ANKS3: variants seen among roughly 807,000 people sequenced by gnomAD.
The protein encoded by ANKS3 is ankyrin repeat and sterile alpha motif domain containing 3, also known as ankyrin repeat and SAM domain-containing protein 3.
A neutral mutation model predicts 80.7 loss-of-function variants in ANKS3; 62 were observed. The observed-to-expected ratio is 0.77, with a 90% CI of 0.63 to 0.95. The LOEUF (loss-of-function observed/expected upper bound fraction) is 0.95, where lower values mean the gene tolerates loss of function less well. Ranked by LOEUF, ANKS3 falls within the 40% of genes least tolerant of loss-of-function variation. The pLI, the probability that ANKS3 is intolerant of heterozygous loss-of-function variation, is 0.00. For synonymous variants in ANKS3, 489 were observed against 355.3 expected, an observed-to-expected ratio of 1.38 and a Z score of -4.23; for missense variants, 1,150 against 883.6, an observed-to-expected ratio of 1.30 and a Z score of -3.82.
intron 6 of ANKS3, 181 bp from the exon 7 acceptor site, chr16:4,714,367 C>G (rs1419693952): frequency 5.7e-6 from 5 of 870,058 alleles, no homozygotes; most frequent in Middle Eastern, 3.4e-4. Flanking sequence ...AAGTTTTGCT[C>G]TCACTCTCTT....
chr16:4,721,633 T>TATTG lies in ANKS3; in HGVS notation c.573+3116_573+3117insCAAT, dbSNP rs1555474796. Among the ~76,000 whole-genome samples the TATTG allele has an allele frequency of 1.1e-3, 65 of 58,744 alleles. No individual in the cohort carries two copies. In the East Asian group the frequency reaches 0.042, roughly 38 times the overall value. The allele number at this position is 58,744 out of a possible 152,430, so 38.5% of individuals were successfully genotyped here. ...CTCTTTATTGATTTATTGATTTATTTATTTATTTATTTATTTATTTATTTA... is the reference window on the plus strand; with the variant it reads ...CTCTTTATTGATTTATTGATTTATTTATTGATTTATTTATTTATTTATTTATTTA... On this transcript the variant is annotated intron_variant, in intron 6 of 17. Coordinates refer to ENST00000304283, the MANE Select transcript of ANKS3 (RefSeq NM_133450.4).
rs767905967 is a variant in ANKS3, at chr16:4,701,163, G to A, written c.1120-29C>T. The A allele has an allele frequency of 2.5e-6, 4 of 1,612,946 alleles. No homozygotes were observed. The African/African-American group carries it at 5.3e-5, about 22-fold the overall frequency. ...CAGTGAGAGGCGTGCATCTGAAAGA[G>A]TGCGCGGGCTAACTTGAGAGCCTTG... On this transcript the variant is annotated intron_variant, in intron 10 of 17. Coordinates refer to ENST00000304283, the MANE Select transcript of ANKS3 (RefSeq NM_133450.4).
chr16:4,710,891 C>T (rs1011129968), intron 7 of ANKS3, among the ~76,000 whole-genome samples: 2 of 152,126 alleles, frequency 1.3e-5, no homozygotes, highest in African/African-American at 4.8e-5. Context: ...CTCCCCCTCC[C>T]GGGTTCAAGT....
Position 4,699,176 on chromosome 16 carries a change from C to G in ANKS3, c.1285G>C (p.Asp429His). The G allele has an allele frequency of 6.2e-7, 1 of 1,613,954 alleles. No homozygotes were observed. The highest frequency in any genetic ancestry group is 8.5e-7 in the Non-Finnish European group (1 of 1,179,990). ...ATCTGCTCCAGCAGTGCGGCAAGGT[C>G]CTGGCAGGCACAGGGGACAGGTTGG... ...TQRAPYSGPQ[D>H]LAALLEQIGC... The change falls in exon 12 of 18, where the codon GAC becomes CAC. Residue 429 changes from aspartate to histidine, a missense_variant and splice_region_variant. Transcript: ENST00000304283.
chr16:4,722,990 G>A (rs1198165913), intron 6 of ANKS3, among the ~76,000 whole-genome samples: 1 of 151,598 alleles, frequency 6.6e-6, no homozygotes, highest in Admixed American at 6.6e-5. Context: ...AAAATGAGAC[G>A]CTACAATTCA....
chr16:4,705,295 G>T, intron 7 of ANKS3, 42 bp from the exon 8 acceptor site: 1 of 1,597,094 alleles, frequency 6.3e-7, no homozygotes, highest in Non-Finnish European at 8.5e-7. Flanking sequence ...GTTCAGTAAT[G>T]GACTCATTTA....
At position 4,734,057 on chromosome 16, in the gene ANKS3, T is replaced by C; in HGVS notation, c.-190A>G. Reference sequence around the variant, plus strand: ...AAAATGTGGGGGCTCGGTCCTCCAGTCACGCGGCGAGCAAGTGCAGCGCGG... The same window carrying C: ...AAAATGTGGGGGCTCGGTCCTCCAGCCACGCGGCGAGCAAGTGCAGCGCGG... On this transcript the variant is annotated 5_prime_UTR_variant, in exon 1 of 18. Transcript: ENST00000304283. 1 of 980,628 alleles carries C rather than the reference T, an allele frequency of 1.0e-6. No individual in the cohort carries two copies. The highest frequency in any genetic ancestry group is 1.2e-6 in the Non-Finnish European group (1 of 825,500). The allele number at this position is 980,628 out of a possible 1,614,324, so 60.7% of individuals were successfully genotyped here.
In ANKS3 at chr16:4,721,419, G is replaced by C. The variant is rs924496243; in HGVS notation, c.573+3331C>G. Among the ~76,000 whole-genome samples, 5 of 150,892 alleles carry C rather than the reference G, an allele frequency of 3.3e-5. No individual in the cohort carries two copies. In the South Asian group the frequency reaches 1.0e-3, roughly 32 times the overall value. On this transcript the variant is annotated intron_variant, in intron 6 of 17. Coordinates refer to ENST00000304283, the MANE Select transcript of ANKS3 (RefSeq NM_133450.4). ...AGCTCAGGAGTTCAAGACCAGCCTG[G>C]GCAACGTGGCAAAACCCCATCTCTA...
At chr16:4,709,922 G>C (rs532158130) in intron 7 of ANKS3, among the ~76,000 whole-genome samples, 2 of 152,140 alleles carry the variant, frequency 1.3e-5, no homozygotes, top group South Asian at 4.1e-4. Flanking sequence ...GAGATAGGAG[G>C]ATCACTTGAG....
At chr16:4,712,017 A>G (rs1427758325) in intron 7 of ANKS3, among the ~76,000 whole-genome samples, 2 of 152,202 alleles carry the variant, frequency 1.3e-5, no homozygotes, top group Non-Finnish European at 2.9e-5. Context: ...GAAAACTTCC[A>G]AATTATTTTT....
chr16:4,730,550 AC>A lies in ANKS3; in HGVS notation c.-2-400del, dbSNP rs371651526. ...CAGTTCCTTGATGTGGTGGGGAAGA[AC>A]CCTGGATTTGGGGTTTGATCAAAAT... is the stretch of plus-strand genomic sequence containing the variant. On this transcript the variant is annotated intron_variant, in intron 2 of 17. Coordinates refer to ENST00000304283, the MANE Select transcript of ANKS3 (RefSeq NM_133450.4). Among the ~76,000 whole-genome samples, 291 of 152,238 alleles carry A rather than the reference AC, an allele frequency of 1.9e-3. 2 individuals are homozygous for A. Among genetic ancestry groups the A allele is most frequent in the African/African-American group, 4.0e-3 (166 of 41,542 alleles).
chr16:4,722,909 C>T (rs1386465555), intron 6 of ANKS3, among the ~76,000 whole-genome samples: 1 of 146,598 alleles, frequency 6.8e-6, no homozygotes, highest in East Asian at 2.0e-4. Context: ...CTGGGCGACA[C>T]AGCACAAGAC....
chr16:4,707,253 A>T (rs1418872009), intron 7 of ANKS3, among the ~76,000 whole-genome samples: 1 of 151,994 alleles, frequency 6.6e-6, no homozygotes, highest in African/African-American at 2.4e-5. Flanking sequence ...TTCAGGGCAA[A>T]ACACATTAAA....
intron 1 of ANKS3, among the ~76,000 whole-genome samples, chr16:4,732,772 T>C (rs976286185): frequency 9.9e-5 from 15 of 152,250 alleles, no homozygotes; most frequent in African/African-American, 3.6e-4. Context: ...TAAGACGTTT[T>C]AGTTTTCATT....
In ANKS3 at chr16:4,696,861, C is replaced by T; in HGVS notation, c.*47G>A. 1.4e-6 allele frequency: 1 copy of T among 708,824 alleles called. No individual in the cohort carries two copies. Among genetic ancestry groups the T allele is most frequent in the Non-Finnish European group, 2.4e-6 (1 of 417,436 alleles). 43.9% of individuals were successfully genotyped at this position (708,824 alleles called of 1,614,324 possible). ...ACTGTCCTCCTCACTCCCTGGCACA[C>T]AGCTTCAGGGTGGACCAATCACCCA... is the stretch of plus-strand genomic sequence containing the variant. On this transcript the variant is annotated 3_prime_UTR_variant, in exon 18 of 18. Coordinates refer to ENST00000304283, the MANE Select transcript of ANKS3 (RefSeq NM_133450.4).
In ANKS3 at chr16:4,698,857, C is replaced by T. The variant is rs1163367688; in HGVS notation, c.1494G>A (p.Leu498=). Residue 498 remains leucine (L), a synonymous_variant, in exon 13 of 18, where the codon CTG becomes CTA. Coordinates refer to ENST00000304283, the MANE Select transcript of ANKS3 (RefSeq NM_133450.4). ...SARPPGDALE[L]AYADRLEAEM... ...CAGCCTCCAGCCGGTCGGCGTAGGC[C>T]AGCTCCAGGGCATCCCCGGGTGGGC... 1 of 1,605,464 alleles carries T rather than the reference C, an allele frequency of 6.2e-7. No individual in the cohort carries two copies. The highest frequency in any genetic ancestry group is 1.1e-5 in the South Asian group (1 of 89,726).
intron 6 of ANKS3, among the ~76,000 whole-genome samples, chr16:4,718,725 G>A (rs1263654206): frequency 2.0e-5 from 3 of 152,206 alleles, no homozygotes; most frequent in African/African-American, 4.8e-5. Flanking sequence ...AGGCCATCGG[G>A]CCACCTGCTG....
chr16:4,722,043 T>C (rs994494886), intron 6 of ANKS3, among the ~76,000 whole-genome samples: 1 of 151,338 alleles, frequency 6.6e-6, no homozygotes, highest in East Asian at 1.9e-4. Context: ...TGTGTGGGTG[T>C]ATTCCCAGAG....
intron 7 of ANKS3, among the ~76,000 whole-genome samples, chr16:4,711,843 A>G (rs1292656851): frequency 6.6e-6 from 1 of 152,106 alleles, no homozygotes; most frequent in African/African-American, 2.4e-5. Context: ...ATAAGAAAAG[A>G]AAGTATGAGG....
Sources: gnomAD v4.1 joint callset for allele counts (sites outside exome capture counted in the v4.1 genomes callset) on GRCh38, gnomAD v4.1.1 for gene constraint, MANE v1.5 for transcripts, NCBI Gene and HGNC (gene_info 2026-07-23, HGNC 2026-07-21) for gene names.